RNF213: variants seen among roughly 807,000 people sequenced by gnomAD.
RNF213 encodes E3 ubiquitin-protein ligase RNF213.
Under a neutral mutation model 514.4 loss-of-function variants are expected in RNF213, and 341 were observed. That is an observed-to-expected ratio of 0.66 (90% CI 0.61 to 0.73). RNF213 has a LOEUF of 0.73. Ranked by LOEUF, RNF213 falls within the 30% of genes least tolerant of loss-of-function variation. The probability of loss-of-function intolerance (pLI) is 0.00; values close to 1 mark genes in which losing one functional copy is unlikely to be tolerated. For synonymous variants in RNF213, 2,655 were observed against 2,658.2 expected (o/e 1.00, Z 0.04); for missense variants, 5,767 against 6,615.6 (o/e 0.87, Z 4.45).
At chr17:80,328,071 T>C (rs2046324994) in intron 19 of RNF213, 82 bp downstream of exon 19, 2 of 1,461,058 alleles carry the variant, frequency 1.4e-6, no homozygotes, top group Admixed American at 2.0e-5. Flanking sequence ...GTGTGCATTT[T>C]TGTAAAGGAG....
intron 18 of RNF213, 42 bp from the exon 19 acceptor site, chr17:80,327,774 G>C: frequency 6.7e-7 from 1 of 1,483,832 alleles, no homozygotes. Flanking sequence ...GAGGCAGGAG[G>C]TGGGGAGCCC....
Position 80,347,263 on chromosome 17 carries a change from G to A in RNF213, c.8928G>A (p.Pro2976=), listed in dbSNP as rs146136675. 2.2e-5 allele frequency: 36 copies of A among 1,613,306 alleles called. No individual in the cohort carries two copies. Among genetic ancestry groups the A allele is most frequent in the South Asian group, 3.3e-5 (3 of 90,946 alleles). Residue 2976 remains proline (P), a synonymous_variant, in exon 29 of 68, where the codon CCG becomes CCA. Transcript: ENST00000582970. The surrounding 1 kb of genome is among the most constrained non-coding windows in gnomAD (Gnocchi z 7.2). ...AGGCTTCAAATAGAAAGCCTTCCCC[G>A]CAAGACATTGCACAGGCTGTCCTTA... ...AAKASNRKPS[P]QDIAQAVLRN...
At chr17:80,295,460 G>A in intron 9 of RNF213, 97 bp from the exon 10 acceptor site, 1 of 1,491,086 alleles carries the variant, frequency 6.7e-7, no homozygotes, top group Non-Finnish European at 9.2e-7. Context: ...GGCACGGATG[G>A]GGTCTGCTGC....
At chr17:80,352,693 C>T in intron 32 of RNF213, 1 of 640,684 alleles carries the variant, frequency 1.6e-6, no homozygotes, top group South Asian at 1.7e-5. Flanking sequence ...CCTTCCCACG[C>T]TGGCCATTGC....
In RNF213 at chr17:80,340,485, G is replaced by A. The variant is rs558583597; in HGVS notation, c.5989+129G>A. ...CTCAGGGAGGGTGTGATTCATCTGT[G>A]GGTGTCAATCAGGGTCTGTGCCAGA... On this transcript the variant is annotated intron_variant, in intron 26 of 67. Transcript: ENST00000582970. 37 of 895,400 alleles carry A rather than the reference G, an allele frequency of 4.1e-5. 1 individual carries two copies. Among genetic ancestry groups the A allele is most frequent in the Middle Eastern group, 6.7e-4 (2 of 3,006 alleles). 55.5% of individuals were successfully genotyped at this position (895,400 alleles called of 1,614,324 possible). A position where few individuals can be genotyped will look rare whatever the true frequency, so the allele number is the denominator to read the frequency against.
At position 80,360,042 on chromosome 17, in the gene RNF213, A is replaced by C. The variant is rs775178908; in HGVS notation, c.11055-19A>C. On this transcript the variant is annotated intron_variant, in intron 37 of 67. Coordinates refer to ENST00000582970, the MANE Select transcript of RNF213 (RefSeq NM_001256071.3). ...ACGTCTCACAAACCCTCTTCTTATC[A>C]TCCCTCACCTTATTGCAGACATAAA... 6.2e-6 allele frequency: 10 copies of C among 1,613,618 alleles called. No individual in the cohort carries two copies. The highest frequency in any genetic ancestry group is 8.5e-6 in the Non-Finnish European group (10 of 1,179,768).
Position 80,311,654 on chromosome 17 carries a change from C to G in RNF213, c.2656-1358C>G, listed in dbSNP as rs145853311. 2.2e-3 allele frequency among the ~76,000 whole-genome samples: 338 copies of G among 152,348 alleles called. 10 individuals carry two copies. In the South Asian group the frequency reaches 0.026, roughly 12 times the overall value. On this transcript the variant is annotated intron_variant, in intron 14 of 67. Transcript: ENST00000582970. ...GTATAGTGACGCTGTGTTCCCCTGC[C>G]TGCTGTGGGCTTTTCCTCTCTCCCA...
In RNF213 at chr17:80,309,094, A is replaced by C; in HGVS notation, c.2578A>C (p.Lys860Gln). ...KLHEAICSSTKLLKFYELPAL... is the reference protein window; with the variant it reads ...KLHEAICSSTQLLKFYELPAL... ...GCATGAAGCCATCTGCAGCAGCACA[A>C]AGCTACTTAAGTTTTACGAGCTGCC... The change falls in exon 14 of 68, where the codon AAG becomes CAG. Residue 860 changes from lysine to glutamine, a missense_variant. Physicochemically the swap from Lys to Gln is moderately conservative, Grantham distance 53. Around this residue, in one of 13 missense-constraint regions of RNF213, gnomAD observed 592 missense variants for 673.9 expected, o/e 0.88. Coordinates refer to ENST00000582970, the MANE Select transcript of RNF213 (RefSeq NM_001256071.3). The C allele has an allele frequency of 6.2e-7, 1 of 1,614,212 alleles. No individual in the cohort carries two copies. The highest frequency in any genetic ancestry group is 8.5e-7 in the Non-Finnish European group (1 of 1,180,042).
At chr17:80,298,635 T>A in intron 11 of RNF213, 117 bp downstream of exon 11, 2 of 1,042,974 alleles carry the variant, frequency 1.9e-6, no homozygotes, top group Non-Finnish European at 2.9e-6. Context: ...ATGACAGAAC[T>A]AACACACGCT....
At chr17:80,371,493 T>C (rs936553443) in intron 46 of RNF213, among the ~76,000 whole-genome samples, 3 of 152,288 alleles carry the variant, frequency 2.0e-5, no homozygotes, top group Admixed American at 2.0e-4. Flanking sequence ...TTAAATGTTA[T>C]TTAACATGTA....
chr17:80,345,013 C>G lies in RNF213; in HGVS notation c.6678C>G (p.Leu2226=). The change falls in exon 29 of 68, where the codon CTC becomes CTG. Residue 2226 remains leucine (L), a synonymous_variant. Coordinates refer to ENST00000582970, the MANE Select transcript of RNF213 (RefSeq NM_001256071.3). The surrounding 1 kb of genome is among the most constrained non-coding windows in gnomAD (Gnocchi z 6.0). ...TTGCTCGGTTCCTGAATTATCAGCTCAGAGATTGTGAGGCCTCTCTCTTCT... is the reference window on the plus strand; with the variant it reads ...TTGCTCGGTTCCTGAATTATCAGCTGAGAGATTGTGAGGCCTCTCTCTTCT... ...RNFARFLNYQ[L]RDCEASLFCN... is the part of the protein sequence containing the mutation. 1 of 1,614,120 alleles carries G rather than the reference C, an allele frequency of 6.2e-7. No homozygotes were observed. Among genetic ancestry groups the G allele is most frequent in the Non-Finnish European group, 8.5e-7 (1 of 1,180,020 alleles).
chr17:80,283,772 G>A (rs1479359286), intron 3 of RNF213, among the ~76,000 whole-genome samples: 5 of 152,228 alleles, frequency 3.3e-5, no homozygotes, highest in African/African-American at 1.2e-4. Flanking sequence ...TCCGGGCTGT[G>A]ACTCGGCGGT....
intron 63 of RNF213, among the ~76,000 whole-genome samples, chr17:80,387,326 G>C (rs549753282): frequency 6.6e-6 from 1 of 152,266 alleles, no homozygotes; most frequent in South Asian, 2.1e-4. Context: ...GGCTGGTCTC[G>C]AACTCTTGGG....
At chr17:80,381,881 T>C in intron 57 of RNF213, 154 bp downstream of exon 57, 2 of 783,138 alleles carry the variant, frequency 2.6e-6, no homozygotes, top group South Asian at 3.3e-5. Context: ...GAGAAAACCG[T>C]GTCTAGGGAA....
chr17:80,380,069 G>A (rs1480967145), intron 55 of RNF213, among the ~76,000 whole-genome samples: 2 of 152,154 alleles, frequency 1.3e-5, no homozygotes, highest in African/African-American at 4.8e-5. Flanking sequence ...CAAAACCTGG[G>A]CATCCGTCTG....
Position 80,352,978 on chromosome 17 carries a change from T to G in RNF213, c.10342T>G (p.Ser3448Ala), listed in dbSNP as rs1204136313. ...TGTCCACATCGATGACCTCCGGAGA[T>G]CCACCCTCATGGTTTCTGATGTGAC... ...QSVHIDDLRR[S>A]TLMVSDVTRL... The change falls in exon 33 of 68, where the codon TCC (serine) becomes GCC (alanine). Residue 3448 changes from serine to alanine, a missense_variant. Ser to Ala is a moderately conservative substitution (Grantham distance 99). Transcript: ENST00000582970. The G allele has an allele frequency of 1.2e-6, 2 of 1,613,814 alleles. No individual in the cohort carries two copies. The highest frequency in any genetic ancestry group is 2.7e-5 in the African/African-American group (2 of 74,896).
Position 80,360,079 on chromosome 17 carries a change from C to T in RNF213, c.11073C>T (p.Ala3691=). ...MNNERHKGEM[A]YIVVQNHMNL... ...ATTGCAGACATAAAGGTGAGATGGC[C>T]TACATCGTGGTGCAGAACCACATGA... The change falls in exon 38 of 68, where the codon GCC becomes GCT. Residue 3691 remains alanine (A), a synonymous_variant. Coordinates refer to ENST00000582970, the MANE Select transcript of RNF213 (RefSeq NM_001256071.3). 6.2e-7 allele frequency: 1 copy of T among 1,614,168 alleles called. No homozygotes were observed. Among genetic ancestry groups the T allele is most frequent in the Non-Finnish European group, 8.5e-7 (1 of 1,180,028 alleles).
intron 14 of RNF213, among the ~76,000 whole-genome samples, 178 bp downstream of exon 14, chr17:80,309,349 G>A (rs1331389671): frequency 6.6e-6 from 1 of 152,130 alleles, no homozygotes; most frequent in East Asian, 1.9e-4. Context: ...TGGGTGTGGG[G>A]GGTGTCAGTG....
chr17:80,360,739 A>C (rs1460319458), intron 38 of RNF213, among the ~76,000 whole-genome samples: 2 of 152,224 alleles, frequency 1.3e-5, no homozygotes, highest in African/African-American at 2.4e-5. Context: ...GATTTGCCCT[A>C]GTCCAGAAAA....
Sources: gnomAD v4.1 joint callset for allele counts (sites outside exome capture counted in the v4.1 genomes callset) on GRCh38, gnomAD v4.1.1 for gene constraint, gnomAD v4.1.1 regional missense constraint, Gnocchi (gnomAD v3.1) non-coding constraint, MANE v1.5 for transcripts, NCBI Gene and HGNC (gene_info 2026-07-23, HGNC 2026-07-21) for gene names.